Variants in SAMD12 observed in about 807,000 individuals in gnomAD.
SAMD12 encodes the protein sterile alpha motif domain-containing protein 12.
In SAMD12, 9 loss-of-function variants were observed where a neutral mutation model predicts 15.0. The observed-to-expected ratio is 0.60, with a 90% CI of 0.36 to 1.05. The LOEUF is 1.05. Ranked by LOEUF, SAMD12 falls within the 50% of genes least tolerant of loss-of-function variation. SAMD12 has a pLI of 0.01. For synonymous variants in SAMD12, 86 were observed against 90.1 expected, an observed-to-expected ratio of 0.96 and a Z score of 0.25; for missense variants, 230 against 234.2, an observed-to-expected ratio of 0.98 and a Z score of 0.12.
chr8:118,509,965 TTA>T (rs1825028948), intron 2 of SAMD12, among the ~76,000 whole-genome samples: 2 of 151,882 alleles, frequency 1.3e-5, no homozygotes, highest in Admixed American at 1.3e-4. Flanking sequence ...AGGGTGAGAG[TTA>T]TCTGTGCACA....
At chr8:118,568,830 C>T (rs911528587) in intron 2 of SAMD12, among the ~76,000 whole-genome samples, 1 of 152,168 alleles carries the variant, frequency 6.6e-6, no homozygotes, top group African/African-American at 2.4e-5. Flanking sequence ...TGCTCCTTCA[C>T]TGACCTCAGT....
chr8:118,449,840 A>T (rs544758469), intron 2 of SAMD12, among the ~76,000 whole-genome samples: 1 of 151,702 alleles, frequency 6.6e-6, no homozygotes, highest in African/African-American at 2.4e-5. Flanking sequence ...AGGTGAGAAA[A>T]TATAGAAAAA....
chr8:118,280,445 TATC>T (rs1813593162), intron 4 of SAMD12, among the ~76,000 whole-genome samples: 1 of 152,102 alleles, frequency 6.6e-6, no homozygotes, highest in Non-Finnish European at 1.5e-5. Context: ...AGGACAAAGT[TATC>T]ATCACTGATG....
At chr8:118,591,928 C>T (rs1346412476) in intron 1 of SAMD12, among the ~76,000 whole-genome samples, 2 of 152,148 alleles carry the variant, frequency 1.3e-5, no homozygotes, top group East Asian at 3.9e-4. Context: ...TTAACATATT[C>T]AAAGGACTTT....
intron 2 of SAMD12, among the ~76,000 whole-genome samples, chr8:118,471,305 A>C (rs973303788): frequency 6.6e-6 from 1 of 152,204 alleles, no homozygotes; most frequent in African/African-American, 2.4e-5. Flanking sequence ...TGATATACAA[A>C]TTATTCAATT....
chr8:118,159,765 C>T, the SAMD12 span, among the ~76,000 whole-genome samples: 1 of 146,602 alleles, frequency 6.8e-6, no homozygotes, highest in Admixed American at 6.9e-5. Flanking sequence ...GCCCAGGCTG[C>T]AGCGCAATGG....
At chr8:118,232,927 A>G (rs1812348519) in intron 4 of SAMD12, among the ~76,000 whole-genome samples, 1 of 152,176 alleles carries the variant, frequency 6.6e-6, no homozygotes, top group African/African-American at 2.4e-5. Flanking sequence ...TAAATAGACA[A>G]TATTGAAACT....
intron 4 of SAMD12, among the ~76,000 whole-genome samples, chr8:118,351,387 A>G (rs901121732): frequency 2.6e-5 from 4 of 152,188 alleles, no homozygotes; most frequent in African/African-American, 9.7e-5. Context: ...TGGGATGGGA[A>G]GCGGCAGAAC....
intron 2 of SAMD12, among the ~76,000 whole-genome samples, chr8:118,551,246 C>A (rs1353315427): frequency 6.6e-5 from 10 of 151,986 alleles, no homozygotes; most frequent in Admixed American, 3.9e-4. Context: ...CCACACCACA[C>A]CTATTCCAAA....
At chr8:118,191,808 A>G (rs113668213) in exon 5 of SAMD12, 1 of 79,238 alleles carries the variant, frequency 1.3e-5, no homozygotes, top group Non-Finnish European at 2.5e-5. Flanking sequence ...ATATATATAT[A>G]TATAGAGAGA....
chr8:118,520,623 T>G (rs1193589435), intron 2 of SAMD12, among the ~76,000 whole-genome samples: 1 of 152,096 alleles, frequency 6.6e-6, no homozygotes, highest in African/African-American at 2.4e-5. Flanking sequence ...TATTAAGAGA[T>G]AAAGGACTAG....
At chr8:118,162,051 T>C in the SAMD12 span, among the ~76,000 whole-genome samples, 2 of 151,036 alleles carry the variant, frequency 1.3e-5, no homozygotes, top group African/African-American at 4.9e-5. Context: ...TCCCAGCTAC[T>C]CGGGAGGCTG....
At chr8:118,226,548 A>G (rs956075570) in intron 4 of SAMD12, among the ~76,000 whole-genome samples, 3 of 152,206 alleles carry the variant, frequency 2.0e-5, no homozygotes, top group East Asian at 3.8e-4. Context: ...CCACCCATCC[A>G]TCCATCCATC....
At chr8:118,556,971 AAAG>A (rs995065950) in intron 2 of SAMD12, among the ~76,000 whole-genome samples, 3 of 149,336 alleles carry the variant, frequency 2.0e-5, no homozygotes, top group Non-Finnish European at 3.0e-5. Context: ...CTCAAAAAAA[AAAG>A]AAAGAAAGAA....
chr8:118,425,190 G>A (rs1254907590), intron 3 of SAMD12, among the ~76,000 whole-genome samples: 1 of 152,052 alleles, frequency 6.6e-6, no homozygotes, highest in African/African-American at 2.4e-5. Context: ...TGCCCGCCTT[G>A]GCCTCCCAAA....
At chr8:118,450,898 G>A (rs1823060469) in intron 2 of SAMD12, among the ~76,000 whole-genome samples, 1 of 152,148 alleles carries the variant, frequency 6.6e-6, no homozygotes, top group African/African-American at 2.4e-5. Flanking sequence ...CTGAGAACGT[G>A]TGTGGTCAAG....
chr8:118,431,244 T>C (rs1036501515), intron 3 of SAMD12, among the ~76,000 whole-genome samples: 3 of 152,236 alleles, frequency 2.0e-5, no homozygotes, highest in Non-Finnish European at 2.9e-5. Flanking sequence ...CAGTGTATTA[T>C]TGTTATTATT....
chr8:118,428,540 T>C lies in SAMD12; in HGVS notation c.322+11292A>G, dbSNP rs114447393. 6.7e-3 allele frequency among the ~76,000 whole-genome samples: 1,027 copies of C among 152,340 alleles called. 15 individuals are homozygous for C. Among genetic ancestry groups the C allele is most frequent in the African/African-American group, 0.021 (877 of 41,582 alleles). ...TGCCTATTCTCAAGGTCGTGAAATT[T>C]TCTCTTATGCTTCCTTCTATAAAGT... On this transcript the variant is annotated intron_variant, in intron 3 of 3. Transcript: ENST00000314727.
chr8:118,570,876 C>T lies in SAMD12; in HGVS notation c.192+9839G>A, dbSNP rs187394144. On this transcript the variant is annotated intron_variant, in intron 2 of 3. Coordinates refer to ENST00000314727, the MANE Select transcript of SAMD12 (RefSeq NM_207506.3). Reference sequence around the variant, plus strand: ...TTCTTGTGACAGTGAATAAGTCTCACGAGATCTGTTGGTTTCAAAAAGAGG... The same window carrying T: ...TTCTTGTGACAGTGAATAAGTCTCATGAGATCTGTTGGTTTCAAAAAGAGG... Among the ~76,000 whole-genome samples the T allele has an allele frequency of 1.9e-4, 29 of 152,218 alleles. No individual in the cohort carries two copies. The East Asian group carries it at 3.7e-3, about 19-fold the overall frequency.
Sources: gnomAD v4.1 joint callset for allele counts (sites outside exome capture counted in the v4.1 genomes callset) on GRCh38, gnomAD v4.1.1 for gene constraint, MANE v1.5 for transcripts, NCBI Gene and HGNC (gene_info 2026-07-23, HGNC 2026-07-21) for gene names.